TP53AIP1: variants seen among roughly 807,000 people sequenced by gnomAD.
The protein encoded by TP53AIP1 is p53-regulated apoptosis-inducing protein 1.
In TP53AIP1, 14 loss-of-function variants were observed where a neutral mutation model predicts 9.5. The ratio of observed to expected loss-of-function variants is 1.47; its 90% CI spans 0.97 to 2.30. The LOEUF (loss-of-function observed/expected upper bound fraction) is 2.30, where lower values mean the gene tolerates loss of function less well. Ranked by LOEUF, TP53AIP1 falls within the 30% of genes most tolerant of loss-of-function variation. TP53AIP1 has a pLI of 0.00. For missense variants in TP53AIP1, 153 were observed against 146.7 expected (o/e 1.04, Z -0.22); for synonymous variants, 73 against 61.2 (o/e 1.19, Z -0.90).
In TP53AIP1 at chr11:128,935,516, TTG is replaced by T. The variant is rs562330779; in HGVS notation, c.*73_*74del. The T allele has an allele frequency of 2.3e-5, 35 of 1,491,668 alleles. No homozygotes were observed. Among genetic ancestry groups the T allele is most frequent in the Middle Eastern group, 4.8e-4 (2 of 4,208 alleles). 92.4% of individuals were successfully genotyped at this position (1,491,668 alleles called of 1,614,324 possible). A position where few individuals can be genotyped will look rare whatever the true frequency, so the allele number is the denominator to read the frequency against. ...GCCATTTCTCGACGGTGCTTTCTGT[TTG>T]TTTGTTTGTTTTTGTTTTGAGATGG... is the stretch of plus-strand genomic sequence containing the variant. On this transcript the variant is annotated 3_prime_UTR_variant, in exon 4 of 4. Coordinates refer to ENST00000531399, the MANE Select transcript of TP53AIP1 (RefSeq NM_022112.3).
At chr11:128,935,221 G>T, downstream of TP53AIP1, 1 of 1,319,126 alleles carries the variant, frequency 7.6e-7, no homozygotes. Flanking sequence ...AACCGTCCTT[G>T]GAAGTGCATA....
At position 128,939,948 on chromosome 11, in the gene TP53AIP1, G is replaced by A. The variant is rs903537458; in HGVS notation, c.-76-2054C>T. On this transcript the variant is annotated intron_variant, in intron 1 of 3. Coordinates refer to ENST00000531399, the MANE Select transcript of TP53AIP1 (RefSeq NM_022112.3). The surrounding 1 kb of genome is among the most constrained non-coding windows in gnomAD (Gnocchi z 4.1). ...CATGCCGGGACTCAGGTTGCACACG[G>A]CCAGTGGTCCCGGGATATCCAGGGA... Among the ~76,000 whole-genome samples the A allele has an allele frequency of 1.3e-5, 2 of 152,194 alleles. No individual in the cohort carries two copies. The highest frequency in any genetic ancestry group is 1.3e-4 in the Admixed American group (2 of 15,282).
In TP53AIP1 at chr11:128,936,545, G is replaced by T; in HGVS notation, c.246C>A (p.Ile82=). The T allele has an allele frequency of 6.4e-7, 1 of 1,571,802 alleles. No homozygotes were observed. Among genetic ancestry groups the T allele is most frequent in the Non-Finnish European group, 8.6e-7 (1 of 1,166,784 alleles). The part of the protein sequence containing the change: ...SGSWSSATVW[I]LTGLGLGLSR... ...TAAGTAATTATCACACACCTGTCAG[G>T]ATCCAGACAGTTGCTGAGGACCAAG... Residue 82 remains isoleucine, a synonymous_variant, in exon 3 of 4, where the codon ATC becomes ATA. Coordinates refer to ENST00000531399, the MANE Select transcript of TP53AIP1 (RefSeq NM_022112.3).
chr11:128,935,491 G>A lies in TP53AIP1; in HGVS notation c.*100C>T, dbSNP rs1271703066. ...GAGGTGGCCGCTAGTCAGCGCTGGA[G>A]CCATTTCTCGACGGTGCTTTCTGTT... On this transcript the variant is annotated 3_prime_UTR_variant, in exon 4 of 4. Transcript: ENST00000531399. 19 of 1,479,452 alleles carry A rather than the reference G, an allele frequency of 1.3e-5. No homozygotes were observed. Among genetic ancestry groups the A allele is most frequent in the Non-Finnish European group, 1.5e-5 (17 of 1,120,226 alleles). The allele number at this position is 1,479,452 out of a possible 1,614,324, so 91.6% of individuals were successfully genotyped here.
rs1001614014 is a variant in TP53AIP1 at position 128,939,355 on chromosome 11, C to T, written c.-76-1461G>A. 8.5e-5 allele frequency among the ~76,000 whole-genome samples: 13 copies of T among 152,206 alleles called. No homozygotes were observed. The highest frequency in any genetic ancestry group is 2.9e-4 in the African/African-American group (12 of 41,446). ...TGATCCTGCGGCCCATTGCTCACTC[C>T]CCGCAGAGGCAGGGGCAGCTGACTG... On this transcript the variant is annotated intron_variant, in intron 1 of 3. Transcript: ENST00000531399. This position sits in a 1 kb window ranked among gnomAD's most constrained non-coding sequence, Gnocchi z 4.1.
intron 3 of TP53AIP1, 63 bp downstream of exon 3, chr11:128,936,475 C>T: frequency 6.7e-7 from 1 of 1,483,470 alleles, no homozygotes; most frequent in African/African-American, 1.4e-5. Flanking sequence ...ATCGAGAGGA[C>T]ATCAAATCAC....
Position 128,937,460 on chromosome 11 carries a change from G to C in TP53AIP1, c.141+218C>G. 1 of 1,516,512 alleles carries C rather than the reference G, an allele frequency of 6.6e-7. No individual in the cohort carries two copies. Among genetic ancestry groups the C allele is most frequent in the Non-Finnish European group, 8.8e-7 (1 of 1,131,300 alleles). The allele number at this position is 1,516,512 out of a possible 1,614,324, so 93.9% of individuals were successfully genotyped here. A position where few individuals can be genotyped will look rare whatever the true frequency, so the allele number is the denominator to read the frequency against. Reference sequence around the variant, plus strand: ...CAGGATTCCGAGGAGGAGGAGGGCTGGCCTTCCTCTTGGGACTATTGATCA... The same window carrying C: ...CAGGATTCCGAGGAGGAGGAGGGCTCGCCTTCCTCTTGGGACTATTGATCA... On this transcript the variant is annotated intron_variant, in intron 2 of 3. Transcript: ENST00000531399. The surrounding 1 kb of genome is among the most constrained non-coding windows in gnomAD (Gnocchi z 4.8).
In TP53AIP1 at chr11:128,937,616, C is replaced by G; in HGVS notation, c.141+62G>C. The G allele has an allele frequency of 6.2e-7, 1 of 1,614,180 alleles. No homozygotes were observed. Among genetic ancestry groups the G allele is most frequent in the Non-Finnish European group, 8.5e-7 (1 of 1,180,036 alleles). ...TGGGATGTCGGCACCACGGTGAGAG[C>G]AGAGTCTGCCCGGGGCTGTGGCAGG... On this transcript the variant is annotated intron_variant, in intron 2 of 3. Transcript: ENST00000531399. This position sits in a 1 kb window ranked among gnomAD's most constrained non-coding sequence, Gnocchi z 4.8.
intron 3 of TP53AIP1, chr11:128,936,334 T>C (rs1401831557): frequency 7.3e-7 from 1 of 1,372,634 alleles, no homozygotes; most frequent in Non-Finnish European, 9.4e-7. Context: ...CCGTTACCTT[T>C]TATTTTAATT....
intron 3 of TP53AIP1, chr11:128,936,173 G>A (rs1017650285): frequency 1.3e-5 from 14 of 1,049,922 alleles, no homozygotes; most frequent in Non-Finnish European, 1.6e-5. Flanking sequence ...CCGCAGCCTG[G>A]CTCCATGCTC....
At chr11:128,936,391 T>C in intron 3 of TP53AIP1, 147 bp downstream of exon 3, 5 of 1,422,388 alleles carry the variant, frequency 3.5e-6, no homozygotes, top group Non-Finnish European at 4.6e-6. Context: ...AACTCTGCCA[T>C]GATGTCATTT....
downstream of TP53AIP1, chr11:128,934,848 C>T (rs534143207): frequency 1.7e-4 from 103 of 603,154 alleles, no homozygotes; most frequent in East Asian, 1.8e-3. Context: ...CCAATGTGGG[C>T]GATTGAGGTC....
In TP53AIP1 at chr11:128,937,471, T is replaced by C; in HGVS notation, c.141+207A>G. ...GGAGGAGGAGGGCTGGCCTTCCTCT[T>C]GGGACTATTGATCAGGGCTGTCAGT... is the stretch of plus-strand genomic sequence containing the variant. On this transcript the variant is annotated intron_variant, in intron 2 of 3. Coordinates refer to ENST00000531399, the MANE Select transcript of TP53AIP1 (RefSeq NM_022112.3). This position sits in a 1 kb window ranked among gnomAD's most constrained non-coding sequence, Gnocchi z 4.8. 1 of 1,540,736 alleles carries C rather than the reference T, an allele frequency of 6.5e-7. No individual in the cohort carries two copies.
At position 128,936,538 on chromosome 11, in the gene TP53AIP1, C is replaced by T; in HGVS notation, c.253G>A (p.Gly85Ser). 6.4e-7 allele frequency: 1 copy of T among 1,564,380 alleles called. No homozygotes were observed. Among genetic ancestry groups the T allele is most frequent in the Non-Finnish European group, 8.6e-7 (1 of 1,162,888 alleles). ...AATTCACTAAGTAATTATCACACAC[C>T]TGTCAGGATCCAGACAGTTGCTGAG... ...WSSATVWILT[G>S]LGLGLSRPFL... The change falls in exon 3 of 4, where the codon GGC becomes AGC. Residue 85 changes from glycine (G) to serine (S), a missense_variant and splice_region_variant. Physicochemically the swap from Gly to Ser is moderately conservative, Grantham distance 56 (BLOSUM62 0). Transcript: ENST00000531399.
At position 128,937,728 on chromosome 11, in the gene TP53AIP1, G is replaced by C; in HGVS notation, c.91C>G (p.Leu31Val). 6.2e-7 allele frequency: 1 copy of C among 1,614,164 alleles called. No homozygotes were observed. The highest frequency in any genetic ancestry group is 8.5e-7 in the Non-Finnish European group (1 of 1,180,022). The change falls in exon 2 of 4, where the codon CTC (leucine) becomes GTC (valine). Residue 31 changes from leucine to valine, a missense_variant. Leu to Val is a conservative substitution (Grantham distance 32, BLOSUM62 1). Coordinates refer to ENST00000531399, the MANE Select transcript of TP53AIP1 (RefSeq NM_022112.3). This position sits in a 1 kb window ranked among gnomAD's most constrained non-coding sequence, Gnocchi z 4.8. Reference protein sequence around the residue: ...RQGLGRGDQNLSVMPPNGRAQ... With the variant: ...RQGLGRGDQNVSVMPPNGRAQ... ...CTGCCATTCGGAGGCATCACCGAGAGGTTCTGGTCTCCCCTGCCCAGGCCC... is the reference window on the plus strand; with the variant it reads ...CTGCCATTCGGAGGCATCACCGAGACGTTCTGGTCTCCCCTGCCCAGGCCC...
Position 128,936,612 on chromosome 11 carries a change from C to T in TP53AIP1, c.179G>A (p.Gly60Glu), listed in dbSNP as rs377095401. 3 of 1,588,732 alleles carry T rather than the reference C, an allele frequency of 1.9e-6. No individual in the cohort carries two copies. The African/African-American group carries it at 4.0e-5, about 21-fold the overall frequency. The change falls in exon 3 of 4, where the codon GGA becomes GAA. Residue 60 changes from glycine (G) to glutamate (E), a missense_variant. Coordinates refer to ENST00000531399, the MANE Select transcript of TP53AIP1 (RefSeq NM_022112.3). ...DPLVLGAQVHGGCRGIEALSV... is the reference protein window; with the variant it reads ...DPLVLGAQVHEGCRGIEALSV... Reference sequence around the variant, plus strand: ...CAGAGCTTCTATTCCCCGGCACCCTCCGTGAACTTGGGCACCCAAAACTAA... The same window carrying T: ...CAGAGCTTCTATTCCCCGGCACCCTTCGTGAACTTGGGCACCCAAAACTAA...
chr11:128,939,908 G>C lies in TP53AIP1; in HGVS notation c.-76-2014C>G, dbSNP rs1214941750. Among the ~76,000 whole-genome samples, 1 of 152,174 alleles carries C rather than the reference G, an allele frequency of 6.6e-6. No individual in the cohort carries two copies. Among genetic ancestry groups the C allele is most frequent in the Non-Finnish European group, 1.5e-5 (1 of 68,036 alleles). On this transcript the variant is annotated intron_variant, in intron 1 of 3. Transcript: ENST00000531399. The surrounding 1 kb of genome is among the most constrained non-coding windows in gnomAD (Gnocchi z 4.1). ...AAAGTGAAGCGTTAACACGAAGGAG[G>C]GTCCCAGCGGAGTTCATGCCGGGAC...
intron 2 of TP53AIP1, 36 bp from the exon 3 acceptor site, chr11:128,936,685 A>G (rs1944830974): frequency 1.3e-6 from 2 of 1,545,664 alleles, no homozygotes; most frequent in Non-Finnish European, 8.7e-7. Context: ...GAGGCCCTGC[A>G]GCGCCGTCTC....
Position 128,935,514 on chromosome 11 carries a change from G to A in TP53AIP1, c.*77C>T. Reference sequence around the variant, plus strand: ...GAGCCATTTCTCGACGGTGCTTTCTGTTTGTTTGTTTGTTTTTGTTTTGAG... The same window carrying A: ...GAGCCATTTCTCGACGGTGCTTTCTATTTGTTTGTTTGTTTTTGTTTTGAG... On this transcript the variant is annotated 3_prime_UTR_variant, in exon 4 of 4. Transcript: ENST00000531399. 1 of 1,491,280 alleles carries A rather than the reference G, an allele frequency of 6.7e-7. No individual in the cohort carries two copies. Among genetic ancestry groups the A allele is most frequent in the South Asian group, 1.3e-5 (1 of 76,914 alleles). The allele number at this position is 1,491,280 out of a possible 1,614,324, so 92.4% of individuals were successfully genotyped here.
Sources: gnomAD v4.1 joint callset for allele counts (sites outside exome capture counted in the v4.1 genomes callset) on GRCh38, gnomAD v4.1.1 for gene constraint, Gnocchi (gnomAD v3.1) non-coding constraint, MANE v1.5 for transcripts, NCBI Gene and HGNC (gene_info 2026-07-23, HGNC 2026-07-21) for gene names.